PCDHA4: variants seen among roughly 807,000 people sequenced by gnomAD.
PCDHA4 encodes the protein protocadherin alpha 4, also known as protocadherin alpha-4.
A neutral mutation model predicts 61.4 loss-of-function variants in PCDHA4; 49 were observed. That is an observed-to-expected ratio of 0.80 (90% confidence interval 0.63 to 1.01). The LOEUF (loss-of-function observed/expected upper bound fraction) is 1.01. Among genes scored for constraint, PCDHA4 ranks in the 50% least tolerant of loss-of-function variants. The pLI, the probability that PCDHA4 is intolerant of heterozygous loss-of-function variation, is 0.00. For synonymous variants in PCDHA4, 590 were observed against 550.3 expected, an observed-to-expected ratio of 1.07 and a Z score of -1.01; for missense variants, 1,254 against 1,235.8, an observed-to-expected ratio of 1.01 and a Z score of -0.22.
chr5:140,850,142 G>A lies in PCDHA4; in HGVS notation c.2385+40570G>A. 8.8e-6 allele frequency: 14 copies of A among 1,595,712 alleles called. 2 individuals are homozygous for A. Among genetic ancestry groups the A allele is most frequent in the Non-Finnish European group, 1.2e-5 (14 of 1,167,856 alleles). On this transcript the variant is annotated intron_variant, in intron 1 of 3. Transcript: ENST00000530339. ...GCGTGCCGCCTCTGGGCAGCAACGT[G>A]ACGCTGCAGGTGTTCGTGCTGGACG...
At chr5:140,953,284 T>G (rs2094869714) in intron 1 of PCDHA4, among the ~76,000 whole-genome samples, 1 of 152,160 alleles carries the variant, frequency 6.6e-6, no homozygotes, top group Admixed American at 6.5e-5. Flanking sequence ...TCTTTATATG[T>G]GATTCAGGGA....
At chr5:140,836,587 T>G in intron 1 of PCDHA4, 1 of 1,613,734 alleles carries the variant, frequency 6.2e-7, no homozygotes, top group Non-Finnish European at 8.5e-7. Context: ...TGTAGTTTGG[T>G]AAAGCCCACT....
intron 1 of PCDHA4, chr5:140,830,589 T>C (rs1025294463): frequency 8.4e-5 from 61 of 722,306 alleles, no homozygotes; most frequent in Non-Finnish European, 1.2e-4. Context: ...TAATTAATTT[T>C]ACAAAATTAC....
chr5:140,846,941 G>T (rs1422705277), intron 1 of PCDHA4, among the ~76,000 whole-genome samples: 2 of 149,652 alleles, frequency 1.3e-5, no homozygotes, highest in Admixed American at 1.3e-4. Flanking sequence ...AGAAATACTT[G>T]AAGGGGCATG....
At chr5:140,989,802 G>C (rs2153885493) in intron 3 of PCDHA4, among the ~76,000 whole-genome samples, 2 of 152,336 alleles carry the variant, frequency 1.3e-5, no homozygotes, top group South Asian at 4.1e-4. Flanking sequence ...CCAGGAAAGG[G>C]CCATAAGATT....
chr5:140,941,506 G>T (rs556309408), intron 1 of PCDHA4, among the ~76,000 whole-genome samples: 1 of 151,236 alleles, frequency 6.6e-6, no homozygotes, highest in South Asian at 2.1e-4. Flanking sequence ...TAGTAGAGAC[G>T]AGGTTTCACC....
chr5:140,821,273 T>C (rs1562258687), intron 1 of PCDHA4, among the ~76,000 whole-genome samples: 1 of 152,174 alleles, frequency 6.6e-6, no homozygotes, highest in Non-Finnish European at 1.5e-5. Flanking sequence ...TTTTATCAGT[T>C]TGGAAATATA....
intron 1 of PCDHA4, chr5:140,966,383 C>T: frequency 2.5e-6 from 1 of 405,022 alleles, no homozygotes; most frequent in East Asian, 3.6e-5. Context: ...TCCGGGTTCG[C>T]TGTCCGCCAC....
Position 140,869,285 on chromosome 5 carries a change from A to C in PCDHA4, c.2385+59713A>C, listed in dbSNP as rs201493000. The stretch of plus-strand genomic sequence containing the variant: ...GGGCTGGAGCTGGCGGAGCTGGTGC[A>C]GCGCCTGTTCCGGGTGGCGTCCAAA... On this transcript the variant is annotated intron_variant, in intron 1 of 3. Transcript: ENST00000530339. The C allele has an allele frequency of 2.9e-3, 4,695 of 1,613,540 alleles. 19 individuals carry two copies. Among genetic ancestry groups the C allele is most frequent in the African/African-American group, 9.9e-3 (743 of 75,038 alleles).
intron 1 of PCDHA4, among the ~76,000 whole-genome samples, chr5:140,903,031 A>G (rs1411414428): frequency 1.3e-5 from 2 of 152,188 alleles, no homozygotes; most frequent in Admixed American, 1.3e-4. Flanking sequence ...TGGCTTGCAC[A>G]TGTGTCTTTT....
chr5:140,821,735 T>G, intron 1 of PCDHA4: 1 of 1,535,068 alleles, frequency 6.5e-7, no homozygotes, highest in South Asian at 1.2e-5. Flanking sequence ...ATACATTGTG[T>G]GGTGATGCAA....
At chr5:140,877,332 C>T (rs2057040352) in intron 1 of PCDHA4, 1 of 1,613,990 alleles carries the variant, frequency 6.2e-7, no homozygotes. Context: ...GCGCGCACAT[C>T]CCGTTCCACG....
At chr5:140,910,985 A>G (rs1554194529) in intron 1 of PCDHA4, among the ~76,000 whole-genome samples, 1 of 151,754 alleles carries the variant, frequency 6.6e-6, no homozygotes, top group Non-Finnish European at 1.5e-5. Flanking sequence ...TATACTCTGA[A>G]CCTCACCCCT....
intron 3 of PCDHA4, among the ~76,000 whole-genome samples, chr5:141,000,381 CTCTCTCTCTCTCTCTATA>C (rs1371464108): frequency 4.9e-5 from 3 of 61,382 alleles, no homozygotes; most frequent in South Asian, 5.3e-4. Flanking sequence ...CTCTCTCTCT[CTCTCTCTCTCTCTCTATA>C]TATATATATA....
intron 1 of PCDHA4, chr5:140,848,613 G>C (rs147099629): frequency 6.3e-7 from 1 of 1,587,628 alleles, no homozygotes; most frequent in Admixed American, 1.7e-5. Flanking sequence ...GGAGGAAGCC[G>C]AACACGGCAC....
intron 1 of PCDHA4, chr5:140,877,395 C>T (rs375548936): frequency 4.3e-6 from 7 of 1,613,958 alleles, no homozygotes; most frequent in Middle Eastern, 1.6e-4. Flanking sequence ...ATGAGGCGGA[C>T]GCTCCGCGCC....
intron 1 of PCDHA4, among the ~76,000 whole-genome samples, chr5:140,972,039 C>A (rs1274808907): frequency 2.6e-5 from 4 of 152,150 alleles, no homozygotes; most frequent in African/African-American, 9.7e-5. Context: ...TTTAAGCTAT[C>A]ACTAATTCAC....
chr5:140,850,244 G>GTCGGT, intron 1 of PCDHA4: 1 of 1,593,676 alleles, frequency 6.3e-7, no homozygotes, highest in South Asian at 1.1e-5. Context: ...TGGTGCTGCG[G>GTCGGT]TCGGTGGGCG....
At chr5:140,825,589 A>AT (rs1554130291) in intron 1 of PCDHA4, 2 of 151,442 alleles carry the variant, frequency 1.3e-5, no homozygotes, top group African/African-American at 4.9e-5. Context: ...CACCTGGCTA[A>AT]TTTTTTGTAT....
Sources: allele counts gnomAD v4.1 joint callset (sites outside exome capture counted in the v4.1 genomes callset), GRCh38; gene constraint gnomAD v4.1.1; transcripts MANE v1.5; gene names NCBI Gene and HGNC (gene_info 2026-07-23, HGNC 2026-07-21).